CCDC57: variants seen among roughly 807,000 people sequenced by gnomAD.
The protein encoded by CCDC57 is coiled-coil domain-containing protein 57.
In CCDC57, 118 loss-of-function variants were observed where a neutral mutation model predicts 118.9. The ratio of observed to expected loss-of-function variants is 0.99; its 90% CI spans 0.86 to 1.16. CCDC57 has a LOEUF of 1.16. Among genes scored for constraint, CCDC57 ranks in the 50% most tolerant of loss-of-function variants. CCDC57 has a pLI of 0.00. For missense variants in CCDC57, 1,300 were observed against 1,320.7 expected (o/e 0.98, Z 0.24); for synonymous variants, 527 against 532.9 (o/e 0.99, Z 0.15).
At chr17:82,153,525 G>A (rs2042316676) in intron 15 of CCDC57, 2 of 151,912 alleles carry the variant, frequency 1.3e-5, no homozygotes, top group African/African-American at 2.4e-5. Flanking sequence ...ATGGATCACA[G>A]GGCCCATGTC....
At chr17:82,158,084 G>A (rs2042891428) in intron 14 of CCDC57, 136 bp from the exon 14 acceptor site, 1 of 1,441,548 alleles carries the variant, frequency 6.9e-7, no homozygotes. Context: ...TCCCCAGCTG[G>A]ATGCAACTGC....
intron 19 of CCDC57, among the ~76,000 whole-genome samples, chr17:82,117,164 A>G (rs2036025905): frequency 6.6e-6 from 1 of 151,972 alleles, no homozygotes; most frequent in African/African-American, 2.4e-5. Context: ...AGCCTGGGCT[A>G]ACATGGGGAA....
chr17:82,195,240 G>A (rs775160166), intron 5 of CCDC57, 23 bp downstream of exon 4: 26 of 1,547,508 alleles, frequency 1.7e-5, no homozygotes, highest in South Asian at 3.6e-5. Flanking sequence ...AAACCTTCAC[G>A]ACCCAAGGGT....
At chr17:82,104,154 C>G (rs1004594556) in intron 19 of CCDC57, among the ~76,000 whole-genome samples, 1 of 152,252 alleles carries the variant, frequency 6.6e-6, no homozygotes, top group Non-Finnish European at 1.5e-5. Context: ...TAAAAACGCT[C>G]TTGGCCTCCA....
intron 19 of CCDC57, chr17:82,107,717 G>A (rs1272497831): frequency 1.4e-5 from 6 of 414,314 alleles, no homozygotes; most frequent in African/African-American, 4.1e-5. Context: ...CACCTGCCAC[G>A]TGGACTGGAG....
chr17:82,183,979 A>G (rs1431395818), intron 8 of CCDC57, 47 bp from the exon 8 acceptor site: 1 of 1,532,160 alleles, frequency 6.5e-7, no homozygotes, highest in South Asian at 1.1e-5. Flanking sequence ...CACTCACTAA[A>G]GTTGTCTCTT....
intron 16 of CCDC57, among the ~76,000 whole-genome samples, chr17:82,144,287 G>A (rs938404539): frequency 6.6e-6 from 1 of 152,054 alleles, no homozygotes; most frequent in Non-Finnish European, 1.5e-5. Flanking sequence ...CAGCCTGGGT[G>A]TCAGAGCGAG....
intron 19 of CCDC57, among the ~76,000 whole-genome samples, chr17:82,111,618 T>C (rs982472960): frequency 6.6e-6 from 1 of 152,022 alleles, no homozygotes; most frequent in African/African-American, 2.4e-5. Flanking sequence ...TTTTTGTTTT[T>C]GTTTTTTGAG....
intron 11 of CCDC57, 106 bp downstream of exon 10, chr17:82,178,368 C>T (rs1323407662): frequency 1.5e-6 from 2 of 1,343,378 alleles, no homozygotes; most frequent in Non-Finnish European, 9.9e-7. Context: ...AAAAAGAACA[C>T]AACTGAAAGA....
intron 11 of CCDC57, among the ~76,000 whole-genome samples, chr17:82,176,490 C>T (rs960601741): frequency 1.3e-5 from 2 of 152,316 alleles, no homozygotes; most frequent in African/African-American, 2.4e-5. Context: ...TCTACCCCTA[C>T]GTCCTCACGC....
intron 4 of CCDC57, among the ~76,000 whole-genome samples, chr17:82,197,769 G>A (rs1267297698): frequency 6.6e-6 from 1 of 152,116 alleles, no homozygotes; most frequent in Non-Finnish European, 1.5e-5. Flanking sequence ...TGAATAGAAC[G>A]AAATGCAAGG....
At chr17:82,170,506 C>CAA (rs1171672968) in intron 13 of CCDC57, among the ~76,000 whole-genome samples, 1 of 100,412 alleles carries the variant, frequency 1.0e-5, no homozygotes, top group Admixed American at 1.2e-4. Flanking sequence ...AGACTCTGTC[C>CAA]CAAAAAAAAA....
At chr17:82,157,368 G>T in intron 15 of CCDC57, 1 of 986,154 alleles carries the variant, frequency 1.0e-6, no homozygotes, top group Non-Finnish European at 1.3e-6. Flanking sequence ...CATGGGGCAG[G>T]CATGGCTGTG....
chr17:82,125,458 C>T (rs1413203121), intron 19 of CCDC57, among the ~76,000 whole-genome samples: 3 of 152,044 alleles, frequency 2.0e-5, no homozygotes, highest in African/African-American at 7.3e-5. Context: ...TCCCTACAAC[C>T]TCCACCTCCC....
Position 82,145,775 on chromosome 17 carries a change from C to T in CCDC57, c.2455+5785G>A, listed in dbSNP as rs1598881950. 8.6e-6 allele frequency: 4 copies of T among 463,906 alleles called. No homozygotes were observed. The East Asian group carries it at 2.2e-4, about 26-fold the overall frequency. 28.7% of individuals were successfully genotyped at this position (463,906 alleles called of 1,614,324 possible). ...GCCCCTGAGTGGGGCTGTTCTCACT[C>T]CCCGCCCTGGTCTCGGCCGGAACCC... On this transcript the variant is annotated intron_variant, in intron 16 of 19. Coordinates refer to ENST00000665763, the Ensembl canonical transcript of CCDC57.
At chr17:82,138,691 G>T (rs1023146440) in intron 16 of CCDC57, among the ~76,000 whole-genome samples, 18 of 151,928 alleles carry the variant, frequency 1.2e-4, no homozygotes, top group Admixed American at 3.9e-4. Context: ...CCTGCCCCGG[G>T]TCGGAAGAGA....
intron 16 of CCDC57, among the ~76,000 whole-genome samples, chr17:82,145,323 G>A (rs987999186): frequency 2.4e-4 from 35 of 146,462 alleles, no homozygotes; most frequent in Non-Finnish European, 4.5e-4. Flanking sequence ...GAGGTGGGCA[G>A]ATCACTTGAG....
intron 19 of CCDC57, among the ~76,000 whole-genome samples, chr17:82,111,549 A>G (rs1293343443): frequency 6.6e-6 from 1 of 151,876 alleles, no homozygotes; most frequent in Non-Finnish European, 1.5e-5. Context: ...CAGTCTTCTT[A>G]TCTTTTAAAG....
At chr17:82,177,825 C>G (rs2045721853) in intron 11 of CCDC57, among the ~76,000 whole-genome samples, 1 of 152,176 alleles carries the variant, frequency 6.6e-6, no homozygotes, top group African/African-American at 2.4e-5. Context: ...CACTCCAGGC[C>G]TGCGCGTTCT....
Sources: allele counts gnomAD v4.1 joint callset (sites outside exome capture counted in the v4.1 genomes callset), GRCh38; gene constraint gnomAD v4.1.1; transcripts MANE v1.5; gene names NCBI Gene and HGNC (gene_info 2026-07-23, HGNC 2026-07-21).